PLCB4: variants seen among roughly 807,000 people sequenced by gnomAD.
PLCB4 encodes phospholipase C beta 4.
PLCB4 carries 77 observed loss-of-function variants against 178.8 expected under a neutral mutation model. That is an observed-to-expected ratio of 0.43 (90% confidence interval 0.36 to 0.52). The LOEUF (loss-of-function observed/expected upper bound fraction) is 0.52, where lower values mean the gene tolerates loss of function less well. Among genes scored for constraint, PLCB4 ranks in the 20% least tolerant of loss-of-function variants. The pLI is 0.00. For synonymous variants in PLCB4, 496 were observed against 490.8 expected (o/e 1.01, Z -0.14); for missense variants, 1,024 against 1,453.4 (o/e 0.70, Z 4.80).
chr20:9,198,255 C>T (rs2093497654), intron 2 of PLCB4, among the ~76,000 whole-genome samples: 1 of 152,142 alleles, frequency 6.6e-6, no homozygotes, highest in South Asian at 2.1e-4. Flanking sequence ...AGGTGTCTGT[C>T]ACTAGAACAC....
intron 19 of PLCB4, among the ~76,000 whole-genome samples, chr20:9,397,635 C>T (rs778408095): frequency 1.3e-5 from 2 of 152,170 alleles, no homozygotes; most frequent in Non-Finnish European, 2.9e-5. Context: ...GTGGAACAGA[C>T]TTTATAAGTG....
At chr20:9,399,294 A>T (rs985680362) in intron 19 of PLCB4, among the ~76,000 whole-genome samples, 3 of 152,192 alleles carry the variant, frequency 2.0e-5, no homozygotes, top group African/African-American at 7.2e-5. Context: ...ATCCACCTAG[A>T]TGGCACAAGG....
intron 3 of PLCB4, among the ~76,000 whole-genome samples, chr20:9,249,852 T>C (rs1471644466): frequency 6.6e-5 from 10 of 152,174 alleles, no homozygotes; most frequent in Admixed American, 5.9e-4. Context: ...ACCCTGTCTA[T>C]ATTATATTTA....
chr20:9,126,377 GAT>G (rs2092115047), intron 2 of PLCB4, among the ~76,000 whole-genome samples: 1 of 152,134 alleles, frequency 6.6e-6, no homozygotes, highest in Non-Finnish European at 1.5e-5. Flanking sequence ...ATGTGTGTTT[GAT>G]ATGTTTTAAA....
At chr20:9,408,812 G>A (rs956319261) in intron 23 of PLCB4, 95 bp downstream of exon 23, 2 of 737,994 alleles carry the variant, frequency 2.7e-6, no homozygotes, top group Non-Finnish European at 4.8e-6. Flanking sequence ...CATTCTGGTG[G>A]TGGAGTTCAT....
At chr20:9,339,124 C>T in intron 7 of PLCB4, 87 bp downstream of exon 7, 1 of 982,746 alleles carries the variant, frequency 1.0e-6, no homozygotes, top group Non-Finnish European at 1.5e-6. Flanking sequence ...TTTTTATATA[C>T]TTAAATTGTA....
Position 9,453,606 on chromosome 20 carries a change from C to T in PLCB4, c.2996+144C>T, listed in dbSNP as rs117941372. ...AAAATTATTCCTGGGAAGTAAGAAA[C>T]TCATTCATTTTAAATGCTCTAACAT... On this transcript the variant is annotated intron_variant, in intron 33 of 39. Transcript: ENST00000378473. 177 of 591,918 alleles carry T rather than the reference C, an allele frequency of 3.0e-4. 1 individual carries two copies. The highest frequency in any genetic ancestry group is 3.6e-5 in the Non-Finnish European group (12 of 335,498). 36.7% of individuals were successfully genotyped at this position (591,918 alleles called of 1,614,324 possible). A position where few individuals can be genotyped will look rare whatever the true frequency, so the allele number is the denominator to read the frequency against.
At chr20:9,298,471 T>C (rs1051072766) in intron 3 of PLCB4, among the ~76,000 whole-genome samples, 1 of 152,128 alleles carries the variant, frequency 6.6e-6, no homozygotes, top group Non-Finnish European at 1.5e-5. Flanking sequence ...TTATTCATTA[T>C]ATTTAAATTA....
chr20:9,476,139 C>T (rs1456419472), intron 38 of PLCB4, among the ~76,000 whole-genome samples: 1 of 152,174 alleles, frequency 6.6e-6, no homozygotes, highest in Non-Finnish European at 1.5e-5. Flanking sequence ...GGGGCACTGG[C>T]AGAAACAAAC....
chr20:9,365,420 C>T, intron 8 of PLCB4, 41 bp from the exon 9 acceptor site: 2 of 1,368,394 alleles, frequency 1.5e-6, no homozygotes, highest in Non-Finnish European at 1.0e-6. Context: ...GCTGCTCCCT[C>T]TAAGAAACAT....
At chr20:9,296,957 A>T (rs2094643599) in intron 3 of PLCB4, among the ~76,000 whole-genome samples, 1 of 152,168 alleles carries the variant, frequency 6.6e-6, no homozygotes, top group South Asian at 2.1e-4. Flanking sequence ...ATGTATACAT[A>T]TGTAACTAAC....
At chr20:9,147,198 A>G (rs1334974783) in intron 2 of PLCB4, among the ~76,000 whole-genome samples, 1 of 152,154 alleles carries the variant, frequency 6.6e-6, no homozygotes, top group Non-Finnish European at 1.5e-5. Context: ...TATGGGTTAG[A>G]CAAAGTTAAA....
At chr20:9,450,606 A>T (rs2042694846) in intron 32 of PLCB4, among the ~76,000 whole-genome samples, 1 of 150,520 alleles carries the variant, frequency 6.6e-6, no homozygotes, top group Non-Finnish European at 1.5e-5. Context: ...TAAGCAACTC[A>T]TGAATTCGGT....
At chr20:9,227,400 A>G (rs1484354655) in intron 3 of PLCB4, among the ~76,000 whole-genome samples, 1 of 152,010 alleles carries the variant, frequency 6.6e-6, no homozygotes, top group African/African-American at 2.4e-5. Context: ...TAAGAATCCA[A>G]GTTTATGAAG....
At chr20:9,325,189 T>A (rs1317964472) in intron 4 of PLCB4, among the ~76,000 whole-genome samples, 1 of 152,202 alleles carries the variant, frequency 6.6e-6, no homozygotes, top group Non-Finnish European at 1.5e-5. Context: ...ACGTCTCCTG[T>A]TTTTCTTAGG....
chr20:9,238,111 G>T (rs925691475), intron 3 of PLCB4, among the ~76,000 whole-genome samples: 2 of 152,186 alleles, frequency 1.3e-5, no homozygotes, highest in African/African-American at 4.8e-5. Flanking sequence ...GAGTTTTCCA[G>T]AGCAGCTGGA....
At chr20:9,218,274 T>A (rs546567173) in intron 3 of PLCB4, among the ~76,000 whole-genome samples, 1 of 152,250 alleles carries the variant, frequency 6.6e-6, no homozygotes, top group Admixed American at 6.5e-5. Flanking sequence ...GCCTGGCTAA[T>A]TTTTGCATTT....
chr20:9,213,114 T>C (rs1188613834), intron 2 of PLCB4, among the ~76,000 whole-genome samples: 4 of 137,712 alleles, frequency 2.9e-5, no homozygotes, highest in Non-Finnish European at 4.5e-5. Flanking sequence ...GCTTGGCTTC[T>C]CTCCGTTAGC....
chr20:9,307,875 G>A lies in PLCB4; in HGVS notation c.61G>A (p.Ala21Thr), dbSNP rs6077510. 985,968 of 1,557,610 alleles carry A rather than the reference G, an allele frequency of 0.63. 323,537 individuals carry two copies. The highest frequency in any genetic ancestry group is 0.68 in the Non-Finnish European group (765,250 of 1,130,628). The stretch of plus-strand genomic sequence containing the variant: ...AGTTCCCTCCTTTTTGCAAGAAGGA[G>A]CAGTTTTTGACAGATACGAGGAGGT... ...KEVPSFLQEGAVFDRYEEESF... is the reference protein window; with the variant it reads ...KEVPSFLQEGTVFDRYEEESF... The change falls in exon 4 of 40, where the codon GCA (alanine) becomes ACA (threonine). Residue 21 changes from alanine to threonine, a missense_variant. Transcript: ENST00000378473.
Sources: allele counts gnomAD v4.1 joint callset (sites outside exome capture counted in the v4.1 genomes callset), GRCh38; gene constraint gnomAD v4.1.1; transcripts MANE v1.5; gene names NCBI Gene and HGNC (gene_info 2026-07-23, HGNC 2026-07-21).